ANKRD6: variants seen among roughly 807,000 people sequenced by gnomAD.
The protein encoded by ANKRD6 is ankyrin repeat domain 6, also known as ankyrin repeat domain-containing protein 6.
In ANKRD6, 56 loss-of-function variants were observed where a neutral mutation model predicts 82.3. The ratio of observed to expected loss-of-function variants is 0.68; its 90% CI spans 0.55 to 0.85. ANKRD6 has a LOEUF of 0.85. Ranked by LOEUF, ANKRD6 falls within the 40% of genes least tolerant of loss-of-function variation. ANKRD6 has a pLI of 0.00. For synonymous variants in ANKRD6, 347 were observed against 352.1 expected, an observed-to-expected ratio of 0.99 and a Z score of 0.16; for missense variants, 852 against 907.6, an observed-to-expected ratio of 0.94 and a Z score of 0.79.
At chr6:89,550,281 C>T (rs888148290) in intron 1 of ANKRD6, among the ~76,000 whole-genome samples, 1 of 151,582 alleles carries the variant, frequency 6.6e-6, no homozygotes, top group African/African-American at 2.4e-5. Context: ...TGTAAGATTA[C>T]CTAAAATCTC....
intron 1 of ANKRD6, among the ~76,000 whole-genome samples, chr6:89,453,626 T>A (rs1773132878): frequency 6.6e-6 from 1 of 151,852 alleles, no homozygotes; most frequent in Non-Finnish European, 1.5e-5. Context: ...GTCGCCTAGT[T>A]AGGAGTGCTG....
Position 89,623,409 on chromosome 6 carries a change from G to C in ANKRD6, c.898-1G>C. The C allele has an allele frequency of 6.2e-7, 1 of 1,611,892 alleles. No homozygotes were observed. Among genetic ancestry groups the C allele is most frequent in the Non-Finnish European group, 8.5e-7 (1 of 1,179,154 alleles). The stretch of plus-strand genomic sequence containing the variant: ...GGTCTCTGGGCTTTTTCCTTCTGTA[G>C]GGCAGTGTCTCAGCAGGAGACACCC... On this transcript the variant is annotated splice_acceptor_variant, in intron 10 of 15. Transcript: ENST00000339746. LOFTEE classifies it high-confidence loss of function.
intron 1 of ANKRD6, among the ~76,000 whole-genome samples, chr6:89,497,991 G>C (rs981753439): frequency 7.2e-5 from 11 of 151,972 alleles, no homozygotes; most frequent in African/African-American, 2.2e-4. Flanking sequence ...TTTGTTTCTG[G>C]CTACTTTCAT....
chr6:89,614,636 A>T (rs1801049036), intron 7 of ANKRD6, among the ~76,000 whole-genome samples: 1 of 152,142 alleles, frequency 6.6e-6, no homozygotes, highest in Non-Finnish European at 1.5e-5. Flanking sequence ...ACAGAGCAAG[A>T]CTACATCTCA....
intron 1 of ANKRD6, among the ~76,000 whole-genome samples, chr6:89,532,898 G>GGA (rs1167397981): frequency 1.4e-5 from 2 of 145,758 alleles, no homozygotes; most frequent in Non-Finnish European, 3.0e-5. Context: ...TTTTTGAGAT[G>GGA]GAGTCTCGCT....
intron 1 of ANKRD6, among the ~76,000 whole-genome samples, chr6:89,464,436 C>T (rs1256041867): frequency 6.6e-6 from 1 of 152,178 alleles, no homozygotes; most frequent in Non-Finnish European, 1.5e-5. Flanking sequence ...ATACAGAAAT[C>T]CCAAGGTGCC....
intron 4 of ANKRD6, among the ~76,000 whole-genome samples, chr6:89,604,081 C>T (rs1352578498): frequency 1.3e-5 from 2 of 152,214 alleles, no homozygotes; most frequent in Admixed American, 6.5e-5. Context: ...AATCCCAACA[C>T]TTTGGGAGGC....
intron 2 of ANKRD6, among the ~76,000 whole-genome samples, chr6:89,594,457 GA>G (rs56046304): frequency 0.79 from 117,524 of 148,732 alleles, 46,546 homozygotes; most frequent in East Asian, 0.88. Flanking sequence ...CTGTCTCAAA[GA>G]AAAAAAAAAA....
intron 2 of ANKRD6, among the ~76,000 whole-genome samples, chr6:89,585,854 G>A (rs906731979): frequency 3.9e-5 from 6 of 152,182 alleles, no homozygotes; most frequent in African/African-American, 9.7e-5. Context: ...GCAGTGAGCC[G>A]AGATTGTGCC....
intron 9 of ANKRD6, chr6:89,618,323 A>G (rs1168019778): frequency 9.6e-6 from 6 of 627,758 alleles, no homozygotes; most frequent in Admixed American, 2.5e-5. Flanking sequence ...AAGAAGTTCC[A>G]GTTTAAGACA....
chr6:89,450,394 A>G (rs1772660679), intron 1 of ANKRD6, among the ~76,000 whole-genome samples: 1 of 152,252 alleles, frequency 6.6e-6, no homozygotes, highest in South Asian at 2.1e-4. Context: ...CCAACATTCA[A>G]CAACGATCAC....
chr6:89,494,223 T>G (rs980484610), intron 1 of ANKRD6, among the ~76,000 whole-genome samples: 4 of 152,152 alleles, frequency 2.6e-5, no homozygotes, highest in Non-Finnish European at 4.4e-5. Flanking sequence ...GGAAGATTAC[T>G]AAGAGGAGAC....
chr6:89,510,605 G>A (rs182594871), intron 1 of ANKRD6, among the ~76,000 whole-genome samples: 100 of 152,136 alleles, frequency 6.6e-4, no homozygotes, highest in Middle Eastern at 3.4e-3. Context: ...TATTCATAGA[G>A]TTGTGCAACA....
intron 1 of ANKRD6, among the ~76,000 whole-genome samples, chr6:89,445,270 T>C (rs573471345): frequency 2.6e-4 from 36 of 138,354 alleles, no homozygotes; most frequent in African/African-American, 4.4e-4. Flanking sequence ...CTTTCTTTTT[T>C]TTTTTTTTTT....
At chr6:89,575,457 C>T (rs916144907) in intron 2 of ANKRD6, among the ~76,000 whole-genome samples, 1 of 152,034 alleles carries the variant, frequency 6.6e-6, no homozygotes, top group African/African-American at 2.4e-5. Context: ...ATCATGTTTC[C>T]ACTATGTGGT....
intron 1 of ANKRD6, among the ~76,000 whole-genome samples, chr6:89,550,995 C>T (rs1295229723): frequency 1.3e-5 from 2 of 152,136 alleles, no homozygotes; most frequent in East Asian, 1.9e-4. Context: ...TGTATACACA[C>T]ATACATATAA....
At chr6:89,498,401 C>A (rs6940797) in intron 1 of ANKRD6, among the ~76,000 whole-genome samples, 55,771 of 151,906 alleles carry the variant, frequency 0.37, 10,878 homozygotes, top group African/African-American at 0.49. Flanking sequence ...AAGGCACTAC[C>A]TATGACAATC....
intron 1 of ANKRD6, among the ~76,000 whole-genome samples, chr6:89,502,608 C>G (rs1156405752): frequency 6.6e-6 from 1 of 152,030 alleles, no homozygotes; most frequent in African/African-American, 2.4e-5. Context: ...GAGTCTGGGC[C>G]AATGAATACT....
chr6:89,572,309 T>A (rs1411049398), intron 2 of ANKRD6, among the ~76,000 whole-genome samples: 1 of 152,222 alleles, frequency 6.6e-6, no homozygotes, highest in Non-Finnish European at 1.5e-5. Context: ...AGTTGCTGGA[T>A]CACATGGTAA....
Sources: allele counts gnomAD v4.1 joint callset (sites outside exome capture counted in the v4.1 genomes callset), GRCh38; gene constraint gnomAD v4.1.1; transcripts MANE v1.5; gene names NCBI Gene and HGNC (gene_info 2026-07-23, HGNC 2026-07-21).